Variants in DYNC1LI1 observed in about 807,000 individuals in gnomAD.
DYNC1LI1 encodes dynein cytoplasmic 1 light intermediate chain 1.
In DYNC1LI1, 19 loss-of-function variants were observed where a neutral mutation model predicts 63.8. The ratio of observed to expected loss-of-function variants is 0.30; its 90% confidence interval spans 0.21 to 0.44. The LOEUF (loss-of-function observed/expected upper bound fraction) is 0.44, where lower values mean the gene tolerates loss of function less well. DYNC1LI1 is among the 20% of genes least tolerant of loss of function. The pLI, the probability that DYNC1LI1 is intolerant of heterozygous loss-of-function variation, is 1.00. For synonymous variants in DYNC1LI1, 225 were observed against 232.3 expected (o/e 0.97, Z 0.28); for missense variants, 565 against 630.2 (o/e 0.90, Z 1.11).
intron 2 of DYNC1LI1, among the ~76,000 whole-genome samples, chr3:32,564,070 G>A (rs1287791584): frequency 1.3e-5 from 2 of 152,222 alleles, no homozygotes; most frequent in Non-Finnish European, 2.9e-5. Context: ...GGAGACTGAG[G>A]TGGGAGGATC....
At chr3:32,545,697 A>G (rs1575154084) in intron 3 of DYNC1LI1, 152 bp downstream of exon 3, 8 of 672,834 alleles carry the variant, frequency 1.2e-5, no homozygotes, top group African/African-American at 7.3e-5. Flanking sequence ...CCAAATTAAT[A>G]AAAGTATGGC....
Position 32,528,464 on chromosome 3 carries a change from G to C in DYNC1LI1, c.1444C>G (p.Pro482Ala). ...GAGGGSSGLP[P>A]STKKSGQKPV... ...AGCATACCTGACTTTTTGGTGGATGGTGGTAAACCACTGCTTCCACCTCCA... is the reference window on the plus strand; with the variant it reads ...AGCATACCTGACTTTTTGGTGGATGCTGGTAAACCACTGCTTCCACCTCCA... The change falls in exon 12 of 13, where the codon CCA (proline) becomes GCA (alanine). Residue 482 changes from proline to alanine, a missense_variant. Pro to Ala is a conservative substitution (Grantham distance 27). Coordinates refer to ENST00000273130, the MANE Select transcript of DYNC1LI1 (RefSeq NM_016141.4). 1 of 1,614,056 alleles carries C rather than the reference G, an allele frequency of 6.2e-7. No individual in the cohort carries two copies. Among genetic ancestry groups the C allele is most frequent in the South Asian group, 1.1e-5 (1 of 91,084 alleles).
intron 6 of DYNC1LI1, 144 bp downstream of exon 6, chr3:32,536,867 G>T: frequency 1.8e-6 from 1 of 544,198 alleles, no homozygotes; most frequent in South Asian, 2.5e-5. Flanking sequence ...AATAATTTGG[G>T]AACTAAAATG....
chr3:32,547,063 GA>G (rs1697965363), intron 2 of DYNC1LI1, among the ~76,000 whole-genome samples: 2 of 152,108 alleles, frequency 1.3e-5, no homozygotes, highest in Admixed American at 6.6e-5. Context: ...CCAGCATGGT[GA>G]AACCCCATCT....
intron 8 of DYNC1LI1, chr3:32,531,915 T>C (rs1181008822): frequency 6.6e-6 from 1 of 152,198 alleles, no homozygotes; most frequent in Non-Finnish European, 1.5e-5. Flanking sequence ...CAGTTCAGCA[T>C]CCGTAATCTG....
chr3:32,533,124 C>T, intron 7 of DYNC1LI1, 27 bp from the exon 8 acceptor site: 1 of 1,579,100 alleles, frequency 6.3e-7, no homozygotes, highest in Non-Finnish European at 8.5e-7. Context: ...ATGATAAATT[C>T]TCAAGCATTT....
chr3:32,560,553 T>C (rs1698176023), intron 2 of DYNC1LI1, among the ~76,000 whole-genome samples: 2 of 151,964 alleles, frequency 1.3e-5, no homozygotes, highest in Admixed American at 6.6e-5. Flanking sequence ...CCAACACAAG[T>C]AACAGACACA....
chr3:32,530,741 A>G, intron 8 of DYNC1LI1: 1 of 472,676 alleles, frequency 2.1e-6, no homozygotes, highest in Non-Finnish European at 3.8e-6. Flanking sequence ...TGTGCTGTTC[A>G]ATATGGCAGT....
chr3:32,536,415 T>C (rs1230842834), intron 6 of DYNC1LI1, among the ~76,000 whole-genome samples: 2 of 152,286 alleles, frequency 1.3e-5, no homozygotes, highest in East Asian at 3.9e-4. Flanking sequence ...TTAACCTTCA[T>C]TTTCTCCCTA....
chr3:32,570,228 A>AGGCGG (rs761107598), intron 2 of DYNC1LI1, 118 bp downstream of exon 2: 46 of 854,248 alleles, frequency 5.4e-5, no homozygotes, highest in East Asian at 1.9e-4. Flanking sequence ...TCGGGAGGCG[A>AGGCGG]GGCGGGGCGG....
At chr3:32,570,209 C>G (rs1698325040) in intron 2 of DYNC1LI1, 137 bp downstream of exon 2, 3 of 780,452 alleles carry the variant, frequency 3.8e-6, no homozygotes, top group Non-Finnish European at 6.6e-6. Context: ...CCCAGCCATC[C>G]GCGACAGGTC....
rs766347359 is a variant in DYNC1LI1, at chr3:32,534,682, T to C, written c.833-36A>G. 5.8e-5 allele frequency: 87 copies of C among 1,497,498 alleles called. No homozygotes were observed. In the East Asian group the frequency reaches 2.0e-3, roughly 35 times the overall value. 92.8% of individuals were successfully genotyped at this position (1,497,498 alleles called of 1,614,324 possible). A position where few individuals can be genotyped will look rare whatever the true frequency, so the allele number is the denominator to read the frequency against. On this transcript the variant is annotated intron_variant, in intron 6 of 12. Coordinates refer to ENST00000273130, the MANE Select transcript of DYNC1LI1 (RefSeq NM_016141.4). ...TGGTTAAAGAAAAATTCTGGACAAA[T>C]GTCATGAGCAAATACCATAAAATTC...
chr3:32,545,986 T>C (rs781357713), intron 2 of DYNC1LI1, 21 bp from the exon 3 acceptor site: 6 of 1,452,644 alleles, frequency 4.1e-6, no homozygotes, highest in Non-Finnish European at 5.7e-6. Context: ...AAAAAAAGGA[T>C]AAATCTTATA....
intron 12 of DYNC1LI1, 134 bp from the exon 13 acceptor site, chr3:32,527,042 C>T: frequency 1.6e-6 from 1 of 608,350 alleles, no homozygotes; most frequent in East Asian, 3.0e-5. Flanking sequence ...ACAAACAACA[C>T]TTAATTTAAA....
At chr3:32,538,049 T>TATATATATAATTATATATATAATA (rs1553617973) in intron 5 of DYNC1LI1, among the ~76,000 whole-genome samples, 1 of 4,324 alleles carries the variant, frequency 2.3e-4, no homozygotes, top group African/African-American at 2.5e-3. Flanking sequence ...ATATATATAA[T>TATATATATAATTATATATATAATA]TATATATATA....
intron 2 of DYNC1LI1, among the ~76,000 whole-genome samples, chr3:32,547,039 T>C (rs1369645302): frequency 2.6e-5 from 4 of 152,060 alleles, no homozygotes; most frequent in Non-Finnish European, 5.9e-5. Flanking sequence ...GGTCAGGAGT[T>C]CAGACCAGCC....
chr3:32,528,605 T>C lies in DYNC1LI1; in HGVS notation c.1307-4A>G. 3 of 1,584,880 alleles carry C rather than the reference T, an allele frequency of 1.9e-6. No homozygotes were observed. Among genetic ancestry groups the C allele is most frequent in the Non-Finnish European group, 2.6e-6 (3 of 1,171,100 alleles). The stretch of plus-strand genomic sequence containing the variant: ...ACGCCTTCACTTGTAGCTCCAGCTA[T>C]AAAAAAATAAAAAAACAAAAAGCTT... On this transcript the variant is annotated splice_region_variant and splice_polypyrimidine_tract_variant and intron_variant, in intron 11 of 12. Coordinates refer to ENST00000273130, the MANE Select transcript of DYNC1LI1 (RefSeq NM_016141.4).
intron 4 of DYNC1LI1, 117 bp downstream of exon 4, chr3:32,544,758 AG>A: frequency 2.2e-5 from 15 of 690,544 alleles, no homozygotes; most frequent in Middle Eastern, 3.1e-4. Flanking sequence ...AAAAAAAAAA[AG>A]TACTTACAAT....
intron 2 of DYNC1LI1, among the ~76,000 whole-genome samples, chr3:32,558,300 ACTT>A (rs1001720923): frequency 6.6e-6 from 1 of 151,858 alleles, no homozygotes; most frequent in Non-Finnish European, 1.5e-5. Flanking sequence ...GTGCTAGACA[ACTT>A]CTTCTGTAAA....
Sources: allele counts gnomAD v4.1 joint callset (sites outside exome capture counted in the v4.1 genomes callset), GRCh38; gene constraint gnomAD v4.1.1; transcripts MANE v1.5; gene names NCBI Gene and HGNC (gene_info 2026-07-23, HGNC 2026-07-21).